Variants in CASP8 observed in about 807,000 individuals in gnomAD.
CASP8 encodes the protein caspase-8.
CASP8 carries 24 observed loss-of-function variants against 46.3 expected under a neutral mutation model. That is an observed-to-expected ratio of 0.52 (90% CI 0.38 to 0.73). The LOEUF (loss-of-function observed/expected upper bound fraction) is 0.73, where lower values mean the gene tolerates loss of function less well. CASP8 is among the 30% of genes least tolerant of loss of function. The pLI, the probability that CASP8 is intolerant of heterozygous loss-of-function variation, is 0.00. For missense variants in CASP8, 460 were observed against 559.0 expected (o/e 0.82, Z 1.79); for synonymous variants, 188 against 200.4 (o/e 0.94, Z 0.52).
upstream of CASP8, among the ~76,000 whole-genome samples, chr2:201,257,476 C>T (rs538295337): frequency 2.0e-5 from 2 of 102,554 alleles, no homozygotes; most frequent in African/African-American, 4.1e-5. Context: ...ACCGAGACTC[C>T]GTCTCAAAAA....
chr2:201,252,246 A>G (rs1946819253), intron 2 of CASP8, among the ~76,000 whole-genome samples: 2 of 151,740 alleles, frequency 1.3e-5, no homozygotes, highest in Admixed American at 1.3e-4. Context: ...AGTTCTTTGT[A>G]TATTTTTGGA....
At position 201,272,852 on chromosome 2, in the gene CASP8, G is replaced by A. The variant is rs2125258097; in HGVS notation, c.551-46G>A. 1 of 1,613,756 alleles carries A rather than the reference G, an allele frequency of 6.2e-7. No individual in the cohort carries two copies. The highest frequency in any genetic ancestry group is 1.1e-5 in the South Asian group (1 of 91,080). On this transcript the variant is annotated intron_variant, in intron 4 of 8. Transcript: ENST00000673742. This position sits in a 1 kb window ranked among gnomAD's most constrained non-coding sequence, Gnocchi z 4.4. ...AACTGACAAATCGCTCCATATCACAGTTGTTTCTAATCAAATATTGTTTGG... is the reference window on the plus strand; with the variant it reads ...AACTGACAAATCGCTCCATATCACAATTGTTTCTAATCAAATATTGTTTGG...
chr2:201,257,371 A>C (rs929265371), upstream of CASP8, among the ~76,000 whole-genome samples: 1 of 151,366 alleles, frequency 6.6e-6, no homozygotes, highest in Non-Finnish European at 1.5e-5. Context: ...AGTCCCAGCT[A>C]CTCGGGAGGC....
At chr2:201,282,951 C>T (rs1949204667) in intron 7 of CASP8, among the ~76,000 whole-genome samples, 2 of 71,840 alleles carry the variant, frequency 2.8e-5, no homozygotes, top group Admixed American at 1.1e-4. Flanking sequence ...GGGGGCTGAT[C>T]CCCCCACCTC....
chr2:201,273,046 G>A (rs1056762602), intron 5 of CASP8, 104 bp downstream of exon 5: 8 of 907,992 alleles, frequency 8.8e-6, no homozygotes, highest in Middle Eastern at 3.3e-4. Flanking sequence ...TAACGTGCCT[G>A]CTCTACTTTT....
At chr2:201,261,657 G>A (rs915720171) in intron 1 of CASP8, among the ~76,000 whole-genome samples, 3 of 152,142 alleles carry the variant, frequency 2.0e-5, no homozygotes, top group South Asian at 2.1e-4. Flanking sequence ...GTCAGGTTCC[G>A]GGGCAGCCCG....
At chr2:201,257,070 G>A (rs565108099), upstream of CASP8, among the ~76,000 whole-genome samples, 5 of 150,090 alleles carry the variant, frequency 3.3e-5, no homozygotes, top group African/African-American at 1.2e-4. Flanking sequence ...GCTTGAACCC[G>A]GGAGGCGGAG....
intron 7 of CASP8, among the ~76,000 whole-genome samples, chr2:201,281,417 G>C (rs560680328): frequency 6.6e-6 from 1 of 152,138 alleles, no homozygotes; most frequent in African/African-American, 2.4e-5. Context: ...AACTCAATGC[G>C]AAAGTCTAAA....
At chr2:201,261,742 G>A (rs376803079) in intron 1 of CASP8, among the ~76,000 whole-genome samples, 4 of 152,208 alleles carry the variant, frequency 2.6e-5, no homozygotes, top group Admixed American at 6.5e-5. Context: ...GCCTGAGAGC[G>A]AGTGGCTTTC....
Position 201,271,453 on chromosome 2 carries a change from C to T in CASP8, c.306-63C>T. ...TTTGGAATCAAGCCCACTGTGACTCCATATATCAAATGGGAAATTATTTGG... is the reference window on the plus strand; with the variant it reads ...TTTGGAATCAAGCCCACTGTGACTCTATATATCAAATGGGAAATTATTTGG... On this transcript the variant is annotated intron_variant, in intron 2 of 8. Coordinates refer to ENST00000673742, the MANE Select transcript of CASP8 (RefSeq NM_001372051.1). 4 of 987,112 alleles carry T rather than the reference C, an allele frequency of 4.1e-6. 1 individual carries two copies. The highest frequency in any genetic ancestry group is 2.6e-5 in the South Asian group (2 of 78,332). The allele number at this position is 987,112 out of a possible 1,614,324, so 61.1% of individuals were successfully genotyped here. A position where few individuals can be genotyped will look rare whatever the true frequency, so the allele number is the denominator to read the frequency against.
At chr2:201,261,911 T>A (rs544418421) in intron 1 of CASP8, 1 of 152,212 alleles carries the variant, frequency 6.6e-6, no homozygotes, top group South Asian at 2.1e-4. Flanking sequence ...TTGTGACATG[T>A]AATACAGTGG....
intron 1 of CASP8, among the ~76,000 whole-genome samples, chr2:201,264,759 G>T (rs1179492816): frequency 6.6e-6 from 1 of 152,186 alleles, no homozygotes; most frequent in East Asian, 1.9e-4. Context: ...TCTAGCCTGG[G>T]AGGTGGAGGT....
At chr2:201,274,833 C>T in intron 5 of CASP8, 56 bp from the exon 6 acceptor site, 1 of 1,280,986 alleles carries the variant, frequency 7.8e-7, no homozygotes, top group Non-Finnish European at 1.1e-6. Context: ...TATTTCATTA[C>T]CAGTGTACCT....
At chr2:201,281,121 C>A (rs1948972387) in intron 7 of CASP8, among the ~76,000 whole-genome samples, 1 of 152,052 alleles carries the variant, frequency 6.6e-6, no homozygotes, top group Admixed American at 6.5e-5. Flanking sequence ...TGTGACCAAC[C>A]TGGCTAACAT....
rs1319170411 is a variant in CASP8, at chr2:201,238,943, C to G, written c.-27+4831C>G. On this transcript the variant is annotated intron_variant, in intron 2 of 6. Coordinates refer to the CASP8 transcript ENST00000264274. The stretch of plus-strand genomic sequence containing the variant: ...TCCGCAGTGTTTGTGTCCCTGGGTA[C>G]TTGAGATTAGGGAGTGGTGATGACT... Among the ~76,000 whole-genome samples, 6 of 151,990 alleles carry G rather than the reference C, an allele frequency of 3.9e-5. No individual in the cohort carries two copies. In the East Asian group the frequency reaches 1.2e-3, roughly 29 times the overall value.
chr2:201,239,146 A>G (rs1271242226), intron 2 of CASP8, among the ~76,000 whole-genome samples: 1 of 152,160 alleles, frequency 6.6e-6, no homozygotes, highest in Non-Finnish European at 1.5e-5. Context: ...GAACAAAATG[A>G]AAAGTCTCCC....
At chr2:201,263,656 T>G (rs1318519137) in intron 1 of CASP8, among the ~76,000 whole-genome samples, 2 of 152,120 alleles carry the variant, frequency 1.3e-5, no homozygotes, top group African/African-American at 4.8e-5. Flanking sequence ...AATTGAGGGA[T>G]GGGGGAAAGG....
At chr2:201,239,765 G>C (rs927431141) in intron 2 of CASP8, among the ~76,000 whole-genome samples, 5 of 152,096 alleles carry the variant, frequency 3.3e-5, no homozygotes, top group Non-Finnish European at 7.4e-5. Context: ...ATCCTTACCC[G>C]GATCCTCCCA....
rs1266099854 is a variant in CASP8, at chr2:201,286,445, G to A, written c.1305-14G>A. ...CCCCCACAGACAGTCACAATATTAT[G>A]TGATGTATTTCAGAGGCGATGATAT... On this transcript the variant is annotated splice_polypyrimidine_tract_variant and intron_variant, in intron 8 of 8. Transcript: ENST00000673742. 6.2e-7 allele frequency: 1 copy of A among 1,611,170 alleles called. No individual in the cohort carries two copies. Among genetic ancestry groups the A allele is most frequent in the African/African-American group, 1.3e-5 (1 of 74,868 alleles).
Sources: gnomAD v4.1 joint callset for allele counts (sites outside exome capture counted in the v4.1 genomes callset) on GRCh38, gnomAD v4.1.1 for gene constraint, Gnocchi (gnomAD v3.1) non-coding constraint, MANE v1.5 for transcripts, NCBI Gene and HGNC (gene_info 2026-07-23, HGNC 2026-07-21) for gene names.